Variants in SLC39A11 observed in about 807,000 individuals in gnomAD.
SLC39A11 encodes the protein solute carrier family 39 member 11, also known as zinc transporter ZIP11.
SLC39A11 carries 33 observed loss-of-function variants against 36.1 expected under a neutral mutation model. The ratio of observed to expected loss-of-function variants is 0.91; its 90% CI spans 0.69 to 1.22. The LOEUF (loss-of-function observed/expected upper bound fraction) is 1.22. SLC39A11 is among the 50% of genes most tolerant of loss of function. The pLI, the probability that SLC39A11 is intolerant of heterozygous loss-of-function variation, is 0.00. For missense variants in SLC39A11, 432 were observed against 430.3 expected, an observed-to-expected ratio of 1.00 and a Z score of -0.03; for synonymous variants, 166 against 170.3, an observed-to-expected ratio of 0.97 and a Z score of 0.20.
intron 6 of SLC39A11, among the ~76,000 whole-genome samples, chr17:72,778,036 C>T (rs1427548504): frequency 6.6e-6 from 1 of 152,152 alleles, no homozygotes; most frequent in African/African-American, 2.4e-5. Context: ...TCCTGAATAG[C>T]TGGGATTACA....
Position 72,647,563 on chromosome 17 carries a change from G to A in SLC39A11, c.*21C>T, listed in dbSNP as rs142468230. The A allele has an allele frequency of 4.9e-5, 79 of 1,608,622 alleles. No individual in the cohort carries two copies. The highest frequency in any genetic ancestry group is 1.2e-4 in the African/African-American group (9 of 74,872). ...GCTGTTTCTTCGTATGGCCTTTCCC[G>A]GGGTCCGAAGCGTCTCAGCCCTAGC... is the stretch of plus-strand genomic sequence containing the variant. On this transcript the variant is annotated 3_prime_UTR_variant, in exon 10 of 10. Coordinates refer to ENST00000255559, the MANE Select transcript of SLC39A11 (RefSeq NM_139177.4).
chr17:72,974,093 G>A (rs958876700), intron 4 of SLC39A11, among the ~76,000 whole-genome samples: 8 of 151,574 alleles, frequency 5.3e-5, no homozygotes, highest in Non-Finnish European at 8.9e-5. Flanking sequence ...GCTAACATTC[G>A]TGCTTATTTT....
rs141849530 is a variant in SLC39A11 at position 72,961,894 on chromosome 17, A to C, written c.307-14019T>G. On this transcript the variant is annotated intron_variant, in intron 4 of 9. Transcript: ENST00000255559. ...CTAGAACTTAAAGTATAATAAGAAAAAAAAGAAAGAAATAGTATGCAAATG... is the reference window on the plus strand; with the variant it reads ...CTAGAACTTAAAGTATAATAAGAAACAAAAGAAAGAAATAGTATGCAAATG... Among the ~76,000 whole-genome samples the C allele has an allele frequency of 6.2e-3, 950 of 152,346 alleles. 8 individuals are homozygous for C. The highest frequency in any genetic ancestry group is 8.9e-3 in the Non-Finnish European group (605 of 68,026).
At chr17:72,961,744 G>A (rs1005728850) in intron 4 of SLC39A11, among the ~76,000 whole-genome samples, 1 of 152,118 alleles carries the variant, frequency 6.6e-6, no homozygotes, top group Non-Finnish European at 1.5e-5. Context: ...GTCAGGAGGT[G>A]GGGGGCTGGG....
intron 7 of SLC39A11, among the ~76,000 whole-genome samples, chr17:72,735,540 G>A (rs1019432280): frequency 2.0e-5 from 3 of 152,166 alleles, no homozygotes; most frequent in Non-Finnish European, 2.9e-5. Context: ...TAAACCAGTC[G>A]CCCTTGAGCC....
chr17:72,769,680 G>A (rs924398209), intron 6 of SLC39A11, among the ~76,000 whole-genome samples: 1 of 151,942 alleles, frequency 6.6e-6, no homozygotes, highest in Non-Finnish European at 1.5e-5. Flanking sequence ...GATTAGCTGC[G>A]ACTACAGGTG....
intron 3 of SLC39A11, among the ~76,000 whole-genome samples, chr17:73,032,095 ATGAG>A (rs2058755950): frequency 6.6e-6 from 1 of 152,144 alleles, no homozygotes; most frequent in African/African-American, 2.4e-5. Context: ...CTGGCATCTA[ATGAG>A]TGAGGCCAAG....
intron 7 of SLC39A11, among the ~76,000 whole-genome samples, chr17:72,689,710 C>G (rs1451211011): frequency 2.6e-5 from 4 of 152,154 alleles, no homozygotes; most frequent in Non-Finnish European, 5.9e-5. Flanking sequence ...ACATATTGTA[C>G]GATTCCACTG....
chr17:73,087,655 G>T (rs1374104605), intron 2 of SLC39A11, among the ~76,000 whole-genome samples: 3 of 152,040 alleles, frequency 2.0e-5, no homozygotes, highest in African/African-American at 7.3e-5. Context: ...GTGGGTATGT[G>T]GGACTATAGG....
chr17:72,962,629 C>A (rs932126360), intron 4 of SLC39A11, among the ~76,000 whole-genome samples: 2 of 152,074 alleles, frequency 1.3e-5, no homozygotes, highest in African/African-American at 4.8e-5. Flanking sequence ...CTCTGCCTCC[C>A]GAGTTCATGC....
At chr17:72,760,272 C>A (rs747698721) in intron 6 of SLC39A11, among the ~76,000 whole-genome samples, 2 of 152,258 alleles carry the variant, frequency 1.3e-5, no homozygotes, top group Non-Finnish European at 2.9e-5. Context: ...AGGCAATCCA[C>A]CCGCCTTGGC....
At chr17:72,649,561 C>A (rs2069746881) in intron 7 of SLC39A11, among the ~76,000 whole-genome samples, 1 of 152,212 alleles carries the variant, frequency 6.6e-6, no homozygotes, top group Non-Finnish European at 1.5e-5. Flanking sequence ...TCTCAGGGTG[C>A]CCTGAGTTCT....
chr17:72,777,022 C>T (rs1287234700), intron 6 of SLC39A11, among the ~76,000 whole-genome samples: 2 of 152,080 alleles, frequency 1.3e-5, no homozygotes, highest in African/African-American at 4.8e-5. Context: ...CCTGGGGGGC[C>T]GTGAGGATTG....
At position 72,900,304 on chromosome 17, in the gene SLC39A11, G is replaced by A. The variant is rs145584468; in HGVS notation, c.430+47448C>T. 1.6e-3 allele frequency among the ~76,000 whole-genome samples: 247 copies of A among 152,258 alleles called. 1 individual carries two copies. Among genetic ancestry groups the A allele is most frequent in the South Asian group, 6.6e-3 (32 of 4,818 alleles). Reference sequence around the variant, plus strand: ...CTCACTTCCCAGAGAGATACCATTTGAGCAAGGATGTCAACAAAGGAGGAA... The same window carrying A: ...CTCACTTCCCAGAGAGATACCATTTAAGCAAGGATGTCAACAAAGGAGGAA... On this transcript the variant is annotated intron_variant, in intron 5 of 9. Coordinates refer to ENST00000255559, the MANE Select transcript of SLC39A11 (RefSeq NM_139177.4).
In SLC39A11 at chr17:72,754,051, T is replaced by TACACAC. The variant is rs58802713; in HGVS notation, c.602-17338_602-17333dup. On this transcript the variant is annotated intron_variant, in intron 6 of 9. Coordinates refer to ENST00000255559, the MANE Select transcript of SLC39A11 (RefSeq NM_139177.4). ...ATATATATATATATATATATACACA[T>TACACAC]ACACACACACACACACACACACACA... Among the ~76,000 whole-genome samples the TACACAC allele has an allele frequency of 1.9e-3, 207 of 108,014 alleles. 2 individuals are homozygous for TACACAC. The highest frequency in any genetic ancestry group is 3.1e-3 in the East Asian group (11 of 3,512). 70.9% of individuals were successfully genotyped at this position (108,014 alleles called of 152,430 possible). A position where few individuals can be genotyped will look rare whatever the true frequency, so the allele number is the denominator to read the frequency against.
At chr17:72,859,477 G>A (rs529862924) in intron 5 of SLC39A11, among the ~76,000 whole-genome samples, 20 of 152,144 alleles carry the variant, frequency 1.3e-4, no homozygotes, top group African/African-American at 4.6e-4. Context: ...GGGCTCAAGG[G>A]GCACTTCTCC....
intron 4 of SLC39A11, among the ~76,000 whole-genome samples, chr17:72,950,926 C>T (rs1056052009): frequency 6.6e-6 from 1 of 151,984 alleles, no homozygotes; most frequent in African/African-American, 2.4e-5. Flanking sequence ...ACCACGGATG[C>T]TATGAAATAT....
chr17:72,855,517 CCT>C (rs960591985), intron 5 of SLC39A11, among the ~76,000 whole-genome samples: 55 of 152,050 alleles, frequency 3.6e-4, no homozygotes, highest in African/African-American at 1.2e-3. Flanking sequence ...TTTCTAAACC[CCT>C]GTTACAAAAC....
chr17:73,055,239 C>T (rs1027011756), intron 3 of SLC39A11, among the ~76,000 whole-genome samples: 14 of 151,976 alleles, frequency 9.2e-5, no homozygotes, highest in African/African-American at 3.4e-4. Context: ...TTCATTCATG[C>T]GTGACATTGG....
Sources: allele counts gnomAD v4.1 joint callset (sites outside exome capture counted in the v4.1 genomes callset), GRCh38; gene constraint gnomAD v4.1.1; transcripts MANE v1.5; gene names NCBI Gene and HGNC (gene_info 2026-07-23, HGNC 2026-07-21).